The following KCNK12 variants were observed in gnomAD, a reference collection of about 807,000 sequenced individuals.
KCNK12 encodes the protein potassium channel subfamily K member 12.
Under a neutral mutation model 25.3 loss-of-function variants are expected in KCNK12, and 6 were observed. That is an observed-to-expected ratio of 0.24 (90% CI 0.13 to 0.47). The LOEUF is 0.47. KCNK12 is among the 20% of genes least tolerant of loss of function. The pLI, the probability that KCNK12 is intolerant of heterozygous loss-of-function variation, is 0.99. For synonymous variants in KCNK12, 331 were observed against 311.1 expected, an observed-to-expected ratio of 1.06 and a Z score of -0.67; for missense variants, 444 against 661.7, an observed-to-expected ratio of 0.67 and a Z score of 3.61.
chr2:47,517,079 A>C lies in KCNK12; in HGVS notation c.*3828T>G, dbSNP rs1668543619. The C allele has an allele frequency of 6.6e-6, 1 of 152,274 alleles. No homozygotes were observed. The highest frequency in any genetic ancestry group is 2.4e-5 in the African/African-American group (1 of 41,452). The allele number at this position is 152,274 out of a possible 1,614,324, so 9.4% of individuals were successfully genotyped here. A position where few individuals can be genotyped will look rare whatever the true frequency, so the allele number is the denominator to read the frequency against. On this transcript the variant is annotated 3_prime_UTR_variant, in exon 2 of 2. Transcript: ENST00000327876. This position sits in a 1 kb window ranked among gnomAD's most constrained non-coding sequence, Gnocchi z 4.1. ...GCCCCAGCGCCTCTTCTGGACTCAG[A>C]TGCCCTAGGCTGGCTGTCTGGCTGT...
At chr2:47,522,409 A>C (rs1328436328) in intron 1 of KCNK12, among the ~76,000 whole-genome samples, 1 of 152,232 alleles carries the variant, frequency 6.6e-6, no homozygotes, top group Non-Finnish European at 1.5e-5. Flanking sequence ...TGGTGAAAAA[A>C]GCCAAGTAAT....
chr2:47,510,909 C>G lies in KCNK12; in HGVS notation c.*9998G>C, dbSNP rs1282971552. On this transcript the variant is annotated 3_prime_UTR_variant, in exon 2 of 2. Coordinates refer to ENST00000327876, the MANE Select transcript of KCNK12 (RefSeq NM_022055.2). ...CTAGTGCTTGGCATGGGACTCAGAT[C>G]TGAAGCAGCCTCTCCGGGACTTCTC... 6.6e-6 allele frequency: 1 copy of G among 152,178 alleles called. No homozygotes were observed. Among genetic ancestry groups the G allele is most frequent in the Non-Finnish European group, 1.5e-5 (1 of 68,034 alleles). The allele number at this position is 152,178 out of a possible 1,614,324, so 9.4% of individuals were successfully genotyped here.
chr2:47,530,164 T>C (rs1257029625), intron 1 of KCNK12, among the ~76,000 whole-genome samples: 1 of 152,080 alleles, frequency 6.6e-6, no homozygotes, highest in Admixed American at 6.5e-5. Context: ...CCTCCCCATG[T>C]CCCTCTCTCT....
rs1668374028 is a variant in KCNK12 at position 47,510,520 on chromosome 2, C to T, written c.*10387G>A. ...TAGAAGAAGGGGACAGGAAAGCATC[C>T]TGGGTACACAAAAGTCAAGGCTCCA... On this transcript the variant is annotated 3_prime_UTR_variant, in exon 2 of 2. Transcript: ENST00000327876. Among the ~76,000 whole-genome samples, 1 of 152,036 alleles carries T rather than the reference C, an allele frequency of 6.6e-6. No homozygotes were observed. Among genetic ancestry groups the T allele is most frequent in the Non-Finnish European group, 1.5e-5 (1 of 68,010 alleles).
intron 1 of KCNK12, among the ~76,000 whole-genome samples, chr2:47,559,065 G>A (rs1016206563): frequency 1.3e-5 from 2 of 152,184 alleles, no homozygotes; most frequent in African/African-American, 2.4e-5. Context: ...AGGACCAGAA[G>A]CCCCCCTAGT....
intron 1 of KCNK12, among the ~76,000 whole-genome samples, chr2:47,534,432 G>GCCCCCCCCCC (rs11406660): frequency 2.8e-4 from 33 of 117,412 alleles, no homozygotes; most frequent in African/African-American, 4.2e-4. Flanking sequence ...CCGTCTCCAG[G>GCCCCCCCCCC]CCCCCCCCAC....
In KCNK12 at chr2:47,514,659, G is replaced by A. The variant is rs1668481212; in HGVS notation, c.*6248C>T. On this transcript the variant is annotated 3_prime_UTR_variant, in exon 2 of 2. Coordinates refer to ENST00000327876, the MANE Select transcript of KCNK12 (RefSeq NM_022055.2). The surrounding 1 kb of genome is among the most constrained non-coding windows in gnomAD (Gnocchi z 5.0). ...AGGGTCTTACTCTGTCACCAAGGCT[G>A]GAGTGCAGTGGCATGATCATGGCTC... Among the ~76,000 whole-genome samples the A allele has an allele frequency of 6.6e-6, 1 of 150,622 alleles. No homozygotes were observed. Among genetic ancestry groups the A allele is most frequent in the African/African-American group, 2.4e-5 (1 of 40,838 alleles).
At chr2:47,542,590 C>G (rs1306541940) in intron 1 of KCNK12, among the ~76,000 whole-genome samples, 1 of 152,164 alleles carries the variant, frequency 6.6e-6, no homozygotes, top group African/African-American at 2.4e-5. Context: ...GGTCCTGCAG[C>G]CAGGTTGGGC....
chr2:47,569,323 G>GCTGC lies in KCNK12; in HGVS notation c.391+617_391+618insGCAG, dbSNP rs1364704591. On this transcript the variant is annotated intron_variant, in intron 1 of 1. Coordinates refer to ENST00000327876, the MANE Select transcript of KCNK12 (RefSeq NM_022055.2). This position sits in a 1 kb window ranked among gnomAD's most constrained non-coding sequence, Gnocchi z 4.1. Reference sequence around the variant, plus strand: ...GCTGGGGGAGAACACAAGGAAGGGAGGCAGAACAACAGCAGCTGAAGTCCT... The same window carrying GCTGC: ...GCTGGGGGAGAACACAAGGAAGGGAGCTGCGCAGAACAACAGCAGCTGAAGTCCT... Among the ~76,000 whole-genome samples, 1 of 152,084 alleles carries GCTGC rather than the reference G, an allele frequency of 6.6e-6. No individual in the cohort carries two copies. The highest frequency in any genetic ancestry group is 1.5e-5 in the Non-Finnish European group (1 of 68,020).
At chr2:47,545,976 T>C (rs1440127055) in intron 1 of KCNK12, among the ~76,000 whole-genome samples, 1 of 151,276 alleles carries the variant, frequency 6.6e-6, no homozygotes, top group Non-Finnish European at 1.5e-5. Context: ...ATCTACATGC[T>C]CTCTCCCTCA....
At position 47,551,475 on chromosome 2, in the gene KCNK12, A is replaced by AG. The variant is rs533579072; in HGVS notation, c.391+18465dup. Among the ~76,000 whole-genome samples the AG allele has an allele frequency of 5.1e-4, 78 of 152,298 alleles. No homozygotes were observed. The South Asian group carries it at 0.014, about 27-fold the overall frequency. ...CCCCAACTAGAATGTTAGCTCCATAAGCTAGGGACTTTGTCTACTTGTTCA... is the reference window on the plus strand; with the variant it reads ...CCCCAACTAGAATGTTAGCTCCATAAGGCTAGGGACTTTGTCTACTTGTTCA... On this transcript the variant is annotated intron_variant, in intron 1 of 1. Transcript: ENST00000327876. This position sits in a 1 kb window ranked among gnomAD's most constrained non-coding sequence, Gnocchi z 5.3.
rs1669848610 is a variant in KCNK12, at chr2:47,569,684, C to G, written c.391+257G>C. On this transcript the variant is annotated intron_variant, in intron 1 of 1. Coordinates refer to ENST00000327876, the MANE Select transcript of KCNK12 (RefSeq NM_022055.2). The surrounding 1 kb of genome is among the most constrained non-coding windows in gnomAD (Gnocchi z 4.1). Reference sequence around the variant, plus strand: ...AAACGGAGGCTCACAAAGGTCAGATCACAGAGCCGGCCAGTGTTGGAGCAC... The same window carrying G: ...AAACGGAGGCTCACAAAGGTCAGATGACAGAGCCGGCCAGTGTTGGAGCAC... 6.6e-6 allele frequency among the ~76,000 whole-genome samples: 1 copy of G among 152,166 alleles called. No homozygotes were observed. The highest frequency in any genetic ancestry group is 1.5e-5 in the Non-Finnish European group (1 of 68,026).
At chr2:47,554,395 G>A (rs1417405516) in intron 1 of KCNK12, among the ~76,000 whole-genome samples, 6 of 152,220 alleles carry the variant, frequency 3.9e-5, no homozygotes, top group Non-Finnish European at 8.8e-5. Flanking sequence ...AGGGGGACCA[G>A]GGAAGGCTCC....
chr2:47,534,395 C>T (rs1001739992), intron 1 of KCNK12, among the ~76,000 whole-genome samples: 1 of 151,238 alleles, frequency 6.6e-6, no homozygotes, highest in Non-Finnish European at 1.5e-5. Flanking sequence ...CCTGAGCTGG[C>T]GGGAAGATGA....
rs1284513582 is a variant in KCNK12 at position 47,521,113 on chromosome 2, GGCGGCCCTCGGCGTCGCTGTC to G, written c.1066_1086del (p.Asp356_Arg362del). On this transcript the variant is annotated inframe_deletion, in exon 2 of 2. Transcript: ENST00000327876. Reference sequence around the variant, plus strand: ...ATGGAGATGAGCTCGCCCGAGAGGCGGCGGCCCTCGGCGTCGCTGTCGCGGGCCGCGGGGTCGGCACCGAGC... The same window carrying G: ...ATGGAGATGAGCTCGCCCGAGAGGCGGCGGGCCGCGGGGTCGGCACCGAGC... 7.8e-7 allele frequency: 1 copy of G among 1,281,012 alleles called. No individual in the cohort carries two copies. The highest frequency in any genetic ancestry group is 1.5e-5 in the African/African-American group (1 of 64,606). 79.4% of individuals were successfully genotyped at this position (1,281,012 alleles called of 1,614,324 possible). A position where few individuals can be genotyped will look rare whatever the true frequency, so the allele number is the denominator to read the frequency against.
intron 1 of KCNK12, among the ~76,000 whole-genome samples, chr2:47,539,747 C>T (rs114292367): frequency 3.3e-5 from 5 of 152,134 alleles, no homozygotes; most frequent in Non-Finnish European, 7.4e-5. Context: ...GCAGAAGGAG[C>T]CGAAAGGGGA....
chr2:47,534,515 A>AACCCCCCCC (rs1558553053), intron 1 of KCNK12, among the ~76,000 whole-genome samples: 2 of 48,158 alleles, frequency 4.2e-5, no homozygotes, highest in Admixed American at 2.5e-4. Context: ...GCCCCTTCTA[A>AACCCCCCCC]CCCCCCCCCC....
intron 1 of KCNK12, among the ~76,000 whole-genome samples, chr2:47,554,723 A>C (rs1669515371): frequency 6.6e-6 from 1 of 152,222 alleles, no homozygotes; most frequent in Non-Finnish European, 1.5e-5. Context: ...GCTTTTAAAG[A>C]TCTCTTTGGC....
In KCNK12 at chr2:47,512,103, G is replaced by T. The variant is rs1437423060; in HGVS notation, c.*8804C>A. Among the ~76,000 whole-genome samples the T allele has an allele frequency of 6.6e-6, 1 of 152,142 alleles. No homozygotes were observed. Among genetic ancestry groups the T allele is most frequent in the Non-Finnish European group, 1.5e-5 (1 of 68,038 alleles). Reference sequence around the variant, plus strand: ...GAAGCTGCACCTTCAGCAGGAACCTGGCCAGTCCTTAGTGGAGGACATTTC... The same window carrying T: ...GAAGCTGCACCTTCAGCAGGAACCTTGCCAGTCCTTAGTGGAGGACATTTC... On this transcript the variant is annotated 3_prime_UTR_variant, in exon 2 of 2. Transcript: ENST00000327876.
Sources: gnomAD v4.1 joint callset for allele counts (sites outside exome capture counted in the v4.1 genomes callset) on GRCh38, gnomAD v4.1.1 for gene constraint, Gnocchi (gnomAD v3.1) non-coding constraint, MANE v1.5 for transcripts, NCBI Gene and HGNC (gene_info 2026-07-23, HGNC 2026-07-21) for gene names.